Variants in ATG2A observed in about 807,000 individuals in gnomAD.
ATG2A encodes the protein autophagy related 2A, also known as autophagy-related protein 2 homolog A.
A neutral mutation model predicts 214.2 loss-of-function variants in ATG2A; 103 were observed. The ratio of observed to expected loss-of-function variants is 0.48; its 90% CI spans 0.41 to 0.57. The LOEUF (loss-of-function observed/expected upper bound fraction) is 0.57, where lower values mean the gene tolerates loss of function less well. Ranked by LOEUF, ATG2A falls within the 20% of genes least tolerant of loss-of-function variation. The pLI is 0.00. For synonymous variants in ATG2A, 1,160 were observed against 1,142.1 expected (o/e 1.02, Z -0.32); for missense variants, 2,312 against 2,613.2 (o/e 0.88, Z 2.51).
intron 1 of ATG2A, 133 bp downstream of exon 1, chr11:64,916,832 C>T (rs1014532945): frequency 8.2e-7 from 1 of 1,214,722 alleles, no homozygotes; most frequent in Non-Finnish European, 1.1e-6. Context: ...CCTCTGACGC[C>T]TGGAGAGGGC....
rs762975865 is a variant in ATG2A at position 64,898,315 on chromosome 11, C to A, written c.4719G>T (p.Gly1573=). ...LHVAPTTNLG[G]PECCLRVSLM... ...GCGAGACGCGGAGACAGCACTCAGG[C>A]CCACCCAGGTTGGTAGTGGGGGCCA... Residue 1573 remains glycine, a synonymous_variant, in exon 33 of 41, where the codon GGG becomes GGT. Transcript: ENST00000377264. This position sits in a 1 kb window ranked among gnomAD's most constrained non-coding sequence, Gnocchi z 4.5. The A allele has an allele frequency of 6.2e-7, 1 of 1,612,130 alleles. No homozygotes were observed. Among genetic ancestry groups the A allele is most frequent in the Non-Finnish European group, 8.5e-7 (1 of 1,179,374 alleles).
In ATG2A at chr11:64,909,375, G is replaced by C; in HGVS notation, c.2108-8C>G. The C allele has an allele frequency of 6.2e-7, 1 of 1,611,088 alleles. No individual in the cohort carries two copies. Among genetic ancestry groups the C allele is most frequent in the Non-Finnish European group, 8.5e-7 (1 of 1,178,454 alleles). On this transcript the variant is annotated splice_polypyrimidine_tract_variant and splice_region_variant and intron_variant, in intron 14 of 40. Transcript: ENST00000377264. ...CTCCATCTTCATAGATACCTGGAGG[G>C]GGATGGGGAATTAGGGGGGTCATCA... is the stretch of plus-strand genomic sequence containing the variant.
rs1944256710 is a variant in ATG2A at position 64,898,920 on chromosome 11, T to C, written c.4465-78A>G. The C allele has an allele frequency of 7.2e-7, 1 of 1,380,840 alleles. No homozygotes were observed. The allele number at this position is 1,380,840 out of a possible 1,614,324, so 85.5% of individuals were successfully genotyped here. A position where few individuals can be genotyped will look rare whatever the true frequency, so the allele number is the denominator to read the frequency against. On this transcript the variant is annotated intron_variant, in intron 31 of 40. Coordinates refer to ENST00000377264, the MANE Select transcript of ATG2A (RefSeq NM_015104.3). The surrounding 1 kb of genome is among the most constrained non-coding windows in gnomAD (Gnocchi z 4.5). ...AAGGGCTGGCCCCAGACCCCTTCTC[T>C]ATTCTTTTTTTGAGACAGAGTCTCA...
At chr11:64,912,291 C>T (rs368917646) in intron 7 of ATG2A, 36 bp downstream of exon 7, 150 of 1,479,998 alleles carry the variant, frequency 1.0e-4, no homozygotes, top group Non-Finnish European at 3.2e-5. Flanking sequence ...CTGGCCCTCC[C>T]AGCCACCCCA....
At chr11:64,901,602 C>G (rs1247097315) in intron 29 of ATG2A, among the ~76,000 whole-genome samples, 1 of 152,170 alleles carries the variant, frequency 6.6e-6, no homozygotes, top group African/African-American at 2.4e-5. Context: ...GCCCTGCCTC[C>G]TAAGACCTGG....
In ATG2A at chr11:64,910,588, G is replaced by T. The variant is rs747815127; in HGVS notation, c.1707+28C>A. On this transcript the variant is annotated intron_variant, in intron 12 of 40. Coordinates refer to ENST00000377264, the MANE Select transcript of ATG2A (RefSeq NM_015104.3). Reference sequence around the variant, plus strand: ...GTGGGGTCAACACGCCATGGGGACAGCCTGGTGGCCTGGAGCGGGTGGGTT... The same window carrying T: ...GTGGGGTCAACACGCCATGGGGACATCCTGGTGGCCTGGAGCGGGTGGGTT... The T allele has an allele frequency of 1.1e-5, 18 of 1,572,948 alleles. No homozygotes were observed. In the South Asian group the frequency reaches 2.0e-4, roughly 17 times the overall value.
chr11:64,898,924 C>CT lies in ATG2A; in HGVS notation c.4465-83dup. ...GCTGGCCCCAGACCCCTTCTCTATT[C>CT]TTTTTTTGAGACAGAGTCTCACTCT... On this transcript the variant is annotated intron_variant, in intron 31 of 40. Transcript: ENST00000377264. This position sits in a 1 kb window ranked among gnomAD's most constrained non-coding sequence, Gnocchi z 4.5. The CT allele has an allele frequency of 1.5e-6, 2 of 1,352,382 alleles. No homozygotes were observed. The highest frequency in any genetic ancestry group is 1.4e-5 in the African/African-American group (1 of 69,058). The allele number at this position is 1,352,382 out of a possible 1,614,324, so 83.8% of individuals were successfully genotyped here. A position where few individuals can be genotyped will look rare whatever the true frequency, so the allele number is the denominator to read the frequency against.
chr11:64,901,175 CTTT>C (rs1944340428), intron 29 of ATG2A, 83 bp from the exon 30 acceptor site: 2 of 1,365,652 alleles, frequency 1.5e-6, no homozygotes, highest in Non-Finnish European at 9.9e-7. Context: ...GGCCTCACTT[CTTT>C]TTCATTTTTT....
At chr11:64,901,564 G>A (rs1040020672) in intron 29 of ATG2A, among the ~76,000 whole-genome samples, 2 of 152,124 alleles carry the variant, frequency 1.3e-5, no homozygotes, top group Non-Finnish European at 2.9e-5. Context: ...CTGTCCAAGA[G>A]GAGCCTGAGA....
In ATG2A at chr11:64,898,199, A is replaced by C; in HGVS notation, c.4774-29T>G. 6.2e-7 allele frequency: 1 copy of C among 1,613,874 alleles called. No homozygotes were observed. The highest frequency in any genetic ancestry group is 8.5e-7 in the Non-Finnish European group (1 of 1,179,828). ...CAAGGGAGAGGTCCAGATGTGGATC[A>C]GACTCAGAGGCCTGGAGACAGTGGG... is the stretch of plus-strand genomic sequence containing the variant. On this transcript the variant is annotated intron_variant, in intron 33 of 40. Transcript: ENST00000377264. This position sits in a 1 kb window ranked among gnomAD's most constrained non-coding sequence, Gnocchi z 4.5.
chr11:64,916,291 C>T (rs1944981193), intron 1 of ATG2A, among the ~76,000 whole-genome samples: 1 of 152,148 alleles, frequency 6.6e-6, no homozygotes, highest in Admixed American at 6.5e-5. Flanking sequence ...GGCAGGGACA[C>T]TGAGCCGGGG....
rs771505750 is a variant in ATG2A, at chr11:64,898,701, G to T, written c.4606C>A (p.Gln1536Lys). The T allele has an allele frequency of 6.2e-7, 1 of 1,613,910 alleles. No individual in the cohort carries two copies. The highest frequency in any genetic ancestry group is 8.5e-7 in the Non-Finnish European group (1 of 1,180,038). The change falls in exon 32 of 41, where the codon CAG (glutamine) becomes AAG (lysine). Residue 1536 changes from glutamine (Q) to lysine (K), a missense_variant. By Grantham distance (53) the Gln-to-Lys change is moderately conservative (BLOSUM62 1). Transcript: ENST00000377264. This position sits in a 1 kb window ranked among gnomAD's most constrained non-coding sequence, Gnocchi z 4.5. ...LEVRDRLASS[Q>K]INKFLYLHTS... The stretch of plus-strand genomic sequence containing the variant: ...TGTAGGTACAGGAACTTGTTGATCT[G>T]GGAGGAGGCGAGCCGGTCTCGGACC...
chr11:64,901,077 G>C lies in ATG2A; in HGVS notation c.4135C>G (p.Pro1379Ala). 1 of 1,570,468 alleles carries C rather than the reference G, an allele frequency of 6.4e-7. No individual in the cohort carries two copies. The highest frequency in any genetic ancestry group is 8.6e-7 in the Non-Finnish European group (1 of 1,158,076). The change falls in exon 30 of 41, where the codon CCT (proline) becomes GCT (alanine). Residue 1379 changes from proline to alanine, a missense_variant. Physicochemically the swap from Pro to Ala is conservative, Grantham distance 27. Transcript: ENST00000377264. ...CCGGGATGCAGCTGTGTCACCACAG[G>C]CTCCCCATCTCGGGGCTGCAGGGAG... is the stretch of plus-strand genomic sequence containing the variant. ...GLGIPPRDGEPVVTQLHPGPI... is the reference protein window; with the variant it reads ...GLGIPPRDGEAVVTQLHPGPI...
In ATG2A at chr11:64,914,353, G is replaced by A. The variant is rs780927417; in HGVS notation, c.319C>T (p.Pro107Ser). 9 of 1,606,042 alleles carry A rather than the reference G, an allele frequency of 5.6e-6. No individual in the cohort carries two copies. Among genetic ancestry groups the A allele is most frequent in the Non-Finnish European group, 8.5e-7 (1 of 1,177,046 alleles). The stretch of plus-strand genomic sequence containing the variant: ...CTGCCCTCACCTGGACCCCGGCGGG[G>A]CTGCAAGGTGAGCTGGAGGCCGGAC... ...RVSGLQLTLQ[P>S]RRGPAPGAAD... Residue 107 changes from proline to serine, a missense_variant, in exon 2 of 41, where the codon CCC (proline) becomes TCC (serine). Physicochemically the swap from Pro to Ser is moderately conservative, Grantham distance 74 (BLOSUM62 -1). Transcript: ENST00000377264.
chr11:64,899,723 G>A, intron 31 of ATG2A, among the ~76,000 whole-genome samples: 1 of 152,056 alleles, frequency 6.6e-6, no homozygotes, highest in African/African-American at 2.4e-5. Flanking sequence ...TTGCTGCAGA[G>A]CCCCACCCCA....
rs567114688 is a variant in ATG2A at position 64,909,156 on chromosome 11, G to A, written c.2205-6C>T. The A allele has an allele frequency of 9.6e-5, 155 of 1,607,116 alleles. No homozygotes were observed. Among genetic ancestry groups the A allele is most frequent in the Middle Eastern group, 1.7e-4 (1 of 6,028 alleles). The stretch of plus-strand genomic sequence containing the variant: ...GGTTCACAGTCACCACTACCCTGCC[G>A]GGGCACAGGCCTGTTACTGGCCTGC... On this transcript the variant is annotated splice_polypyrimidine_tract_variant and splice_region_variant and intron_variant, in intron 15 of 40. Coordinates refer to ENST00000377264, the MANE Select transcript of ATG2A (RefSeq NM_015104.3).
In ATG2A at chr11:64,903,217, C is replaced by G; in HGVS notation, c.3612+71G>C. 7.0e-7 allele frequency: 1 copy of G among 1,430,290 alleles called. No individual in the cohort carries two copies. The highest frequency in any genetic ancestry group is 9.8e-7 in the Non-Finnish European group (1 of 1,019,244). The allele number at this position is 1,430,290 out of a possible 1,614,324, so 88.6% of individuals were successfully genotyped here. ...GGAGCCCAGGCACGTGAGGGAGCAG[C>G]AGCCCCTGAAGACTCCCTTGGCCCC... is the stretch of plus-strand genomic sequence containing the variant. On this transcript the variant is annotated intron_variant, in intron 26 of 40. Transcript: ENST00000377264. This position sits in a 1 kb window ranked among gnomAD's most constrained non-coding sequence, Gnocchi z 4.2.
chr11:64,900,686 C>T, intron 30 of ATG2A, 57 bp from the exon 31 acceptor site: 1 of 1,511,760 alleles, frequency 6.6e-7, no homozygotes, highest in Non-Finnish European at 8.8e-7. Context: ...CCTCCCCGTC[C>T]TCAGCGGGCC....
In ATG2A at chr11:64,896,558, G is replaced by T; in HGVS notation, c.5331C>A (p.Arg1777=). The change falls in exon 39 of 41, where the codon CGC becomes CGA. Residue 1777 remains arginine (R), a synonymous_variant. Coordinates refer to ENST00000377264, the MANE Select transcript of ATG2A (RefSeq NM_015104.3). ...LPIEQYRKDG[R]LMRGLQRGAA... ...CCCCTCGCTGCAGCCCCCGCATGAG[G>T]CGGCCATCCTTCCTGTACTGCTCAA... The T allele has an allele frequency of 6.2e-7, 1 of 1,613,988 alleles. No individual in the cohort carries two copies. The highest frequency in any genetic ancestry group is 8.5e-7 in the Non-Finnish European group (1 of 1,179,964).
Sources: allele counts gnomAD v4.1 joint callset (sites outside exome capture counted in the v4.1 genomes callset), GRCh38; gene constraint gnomAD v4.1.1; non-coding constraint Gnocchi (gnomAD v3.1); transcripts MANE v1.5; gene names NCBI Gene and HGNC (gene_info 2026-07-23, HGNC 2026-07-21).